Variants in RFLNA observed in about 807,000 individuals in gnomAD.
The protein encoded by RFLNA is refilin-A.
A neutral mutation model predicts 7.8 loss-of-function variants in RFLNA; 5 were observed. The observed-to-expected ratio is 0.64, with a 90% confidence interval of 0.34 to 1.35. The LOEUF (loss-of-function observed/expected upper bound fraction) is 1.35. RFLNA is among the 40% of genes most tolerant of loss of function. The pLI is 0.04. For missense variants in RFLNA, 278 were observed against 305.5 expected (o/e 0.91, Z 0.67); for synonymous variants, 141 against 131.3 (o/e 1.07, Z -0.50).
rs779885715 is a variant in RFLNA, at chr12:124,314,335, C to T, written c.461C>T (p.Thr154Ile). Residue 154 changes from threonine (T) to isoleucine (I), a missense_variant, in exon 3 of 3, where the codon ACC (threonine) becomes ATC (isoleucine). Thr to Ile is a moderately conservative substitution (Grantham distance 89). Coordinates refer to ENST00000546355, the MANE Select transcript of RFLNA (RefSeq NM_001365156.1). Reference sequence around the variant, plus strand: ...TGGCGCAACTACCGCAGCCAGCTGACCCTGGAGCCACGCCCGCGCGCCCTG... The same window carrying T: ...TGGCGCAACTACCGCAGCCAGCTGATCCTGGAGCCACGCCCGCGCGCCCTG... ...CTWRNYRSQL[T>I]LEPRPRALRF... is the part of the protein sequence containing the mutation. The T allele has an allele frequency of 3.7e-6, 6 of 1,613,498 alleles. No individual in the cohort carries two copies. The East Asian group carries it at 8.9e-5, about 24-fold the overall frequency.
chr12:124,301,559 G>A (rs542261349), intron 1 of RFLNA, among the ~76,000 whole-genome samples: 2 of 152,202 alleles, frequency 1.3e-5, no homozygotes, highest in Non-Finnish European at 2.9e-5. Context: ...CTGTATCTTA[G>A]GATGCACAGG....
rs1050811382 is a variant in RFLNA, at chr12:124,289,210, C to T, written c.-197C>T. On this transcript the variant is annotated 5_prime_UTR_variant, in exon 1 of 3. Coordinates refer to the RFLNA transcript ENST00000324038. The surrounding 1 kb of genome is among the most constrained non-coding windows in gnomAD (Gnocchi z 5.0). ...CCCTGCCCTGGCTTAATTAAGTGCT[C>T]TGAAGACATAAATAGGTTTTTTGTT... is the stretch of plus-strand genomic sequence containing the variant. The T allele has an allele frequency of 6.6e-6, 1 of 152,164 alleles. No homozygotes were observed. Among genetic ancestry groups the T allele is most frequent in the Non-Finnish European group, 1.5e-5 (1 of 68,038 alleles). 9.4% of individuals were successfully genotyped at this position (152,164 alleles called of 1,614,324 possible).
Position 124,295,470 on chromosome 12 carries a change from T to C in RFLNA, c.41T>C (p.Leu14Pro). 5 of 1,262,434 alleles carry C rather than the reference T, an allele frequency of 4.0e-6. No homozygotes were observed. The highest frequency in any genetic ancestry group is 5.0e-6 in the Non-Finnish European group (5 of 1,005,980). The allele number at this position is 1,262,434 out of a possible 1,614,324, so 78.2% of individuals were successfully genotyped here. The change falls in exon 1 of 3, where the codon CTG becomes CCG. Residue 14 changes from leucine to proline, a missense_variant. Coordinates refer to ENST00000546355, the MANE Select transcript of RFLNA (RefSeq NM_001365156.1). ...CATCTGCAGGGCATGGAGGACAGCC[T>C]GAAGGAGCAGGGCCGGGAGGGCTTG... is the stretch of plus-strand genomic sequence containing the variant. ...HLHLQGMEDS[L>P]KEQGREGLLD... is the part of the protein sequence containing the mutation.
intron 1 of RFLNA, among the ~76,000 whole-genome samples, chr12:124,297,515 T>G (rs970951151): frequency 4.6e-5 from 7 of 152,202 alleles, no homozygotes; most frequent in Admixed American, 3.9e-4. Context: ...TACACTCCAA[T>G]TAGCCCCATT....
intron 1 of RFLNA, among the ~76,000 whole-genome samples, chr12:124,299,626 T>C (rs1393269036): frequency 6.6e-6 from 1 of 152,264 alleles, no homozygotes; most frequent in Non-Finnish European, 1.5e-5. Context: ...ATTCCTGAGT[T>C]ACTTCACTTA....
intron 2 of RFLNA, among the ~76,000 whole-genome samples, chr12:124,313,909 C>T (rs1339053232): frequency 3.3e-5 from 5 of 152,198 alleles, no homozygotes; most frequent in Non-Finnish European, 7.3e-5. Context: ...CTCAGTTTCA[C>T]CCATCGTCCC....
intron 1 of RFLNA, among the ~76,000 whole-genome samples, chr12:124,310,794 T>C (rs747134699): frequency 5.0e-4 from 76 of 151,870 alleles, no homozygotes; most frequent in Admixed American, 8.5e-4. Context: ...CAGAGAGTGC[T>C]TTCTTTGTGT....
intron 1 of RFLNA, among the ~76,000 whole-genome samples, chr12:124,298,091 C>T (rs1345303050): frequency 6.6e-6 from 1 of 152,196 alleles, no homozygotes; most frequent in Non-Finnish European, 1.5e-5. Flanking sequence ...CCGCGTTTGG[C>T]AGGGTGGGTG....
intron 1 of RFLNA, among the ~76,000 whole-genome samples, chr12:124,307,516 A>G (rs549426725): frequency 6.6e-6 from 1 of 152,148 alleles, no homozygotes; most frequent in Non-Finnish European, 1.5e-5. Context: ...CCTGGCTGAC[A>G]CCTGCTTAGC....
rs1313018434 is a variant in RFLNA at position 124,314,696 on chromosome 12, C to T, written c.*171C>T. ...GCTCCCCGCTGCCTGCCCTGACCTA[C>T]AGGCTAGGTGGTGGTCTCCTTGTTT... On this transcript the variant is annotated 3_prime_UTR_variant, in exon 3 of 3. Transcript: ENST00000546355. 1 of 1,083,492 alleles carries T rather than the reference C, an allele frequency of 9.2e-7. No homozygotes were observed. Among genetic ancestry groups the T allele is most frequent in the South Asian group, 1.3e-5 (1 of 74,302 alleles). 67.1% of individuals were successfully genotyped at this position (1,083,492 alleles called of 1,614,324 possible).
At position 124,308,978 on chromosome 12, in the gene RFLNA, T is replaced by C. The variant is rs555239004; in HGVS notation, c.208-2840T>C. ...CGGGTGCGACTGAGGAATGGCGTTT[T>C]TCAACCTACTGAATCGTAATGAATT... On this transcript the variant is annotated intron_variant, in intron 1 of 2. Transcript: ENST00000546355. Among the ~76,000 whole-genome samples, 209 of 152,354 alleles carry C rather than the reference T, an allele frequency of 1.4e-3. 1 individual carries two copies. Among genetic ancestry groups the C allele is most frequent in the African/African-American group, 1.2e-3 (51 of 41,590 alleles).
Position 124,295,268 on chromosome 12 carries a change from G to A in RFLNA, c.-162G>A. The A allele has an allele frequency of 5.5e-6, 1 of 183,034 alleles. No individual in the cohort carries two copies. Among genetic ancestry groups the A allele is most frequent in the Non-Finnish European group, 1.0e-5 (1 of 95,766 alleles). The allele number at this position is 183,034 out of a possible 1,614,324, so 11.3% of individuals were successfully genotyped here. ...GGCGAGCAGGCTGCAGGCCCGCGGGGATCCGGGGCGCGGGGGGCGCCGGGC... is the reference window on the plus strand; with the variant it reads ...GGCGAGCAGGCTGCAGGCCCGCGGGAATCCGGGGCGCGGGGGGCGCCGGGC... On this transcript the variant is annotated 5_prime_UTR_variant, in exon 1 of 3. Transcript: ENST00000546355.
At chr12:124,307,665 G>A (rs984967593) in intron 1 of RFLNA, among the ~76,000 whole-genome samples, 15 of 152,206 alleles carry the variant, frequency 9.9e-5, no homozygotes, top group East Asian at 7.7e-4. Flanking sequence ...GTGCCTTCAC[G>A]GAGGGCTGGG....
upstream of RFLNA, among the ~76,000 whole-genome samples, chr12:124,292,595 C>T (rs1566318180): frequency 6.6e-6 from 1 of 152,206 alleles, no homozygotes; most frequent in Non-Finnish European, 1.5e-5. Flanking sequence ...CTGGGGCCAT[C>T]AGTGTGGGCT....
upstream of RFLNA, among the ~76,000 whole-genome samples, chr12:124,290,867 C>A (rs912152885): frequency 6.6e-6 from 1 of 152,172 alleles, no homozygotes; most frequent in Non-Finnish European, 1.5e-5. The surrounding 1 kb of genome is among the most constrained non-coding windows in gnomAD (Gnocchi z 4.0). Flanking sequence ...AAGGGCAGGC[C>A]AATTGCCCAG....
In RFLNA at chr12:124,296,072, T is replaced by TTTTCTTTCTTTCTTTCTTTCTTTCTTTC. The variant is rs1165061619; in HGVS notation, c.207+462_207+489dup. ...TCCGGGCGCTGCCAATGTGAAAGCC[T>TTTTCTTTCTTTCTTTCTTTCTTTCTTTC]TTTCTTTCTTTCTTTCTTTCTTTCT... On this transcript the variant is annotated intron_variant, in intron 1 of 2. Coordinates refer to ENST00000546355, the MANE Select transcript of RFLNA (RefSeq NM_001365156.1). Among the ~76,000 whole-genome samples, 153 of 94,710 alleles carry TTTTCTTTCTTTCTTTCTTTCTTTCTTTC rather than the reference T, an allele frequency of 1.6e-3. 13 individuals are homozygous for TTTTCTTTCTTTCTTTCTTTCTTTCTTTC. Among genetic ancestry groups the TTTTCTTTCTTTCTTTCTTTCTTTCTTTC allele is most frequent in the Middle Eastern group, 4.6e-3 (1 of 218 alleles). 62.1% of individuals were successfully genotyped at this position (94,710 alleles called of 152,430 possible). A position where few individuals can be genotyped will look rare whatever the true frequency, so the allele number is the denominator to read the frequency against.
intron 2 of RFLNA, among the ~76,000 whole-genome samples, chr12:124,312,184 A>G (rs2034257520): frequency 6.6e-6 from 1 of 152,138 alleles, no homozygotes; most frequent in South Asian, 2.1e-4. Flanking sequence ...AGGTCTATTC[A>G]GCCGTTTCCC....
chr12:124,306,697 A>G lies in RFLNA; in HGVS notation c.208-5121A>G, dbSNP rs1260167592. Among the ~76,000 whole-genome samples the G allele has an allele frequency of 6.6e-6, 1 of 152,094 alleles. No homozygotes were observed. Among genetic ancestry groups the G allele is most frequent in the Non-Finnish European group, 1.5e-5 (1 of 68,012 alleles). Reference sequence around the variant, plus strand: ...CAGCAGCTGCGTGCTGGGGTTTTTTATAAGGATCAGATGAGTAGGATATGT... The same window carrying G: ...CAGCAGCTGCGTGCTGGGGTTTTTTGTAAGGATCAGATGAGTAGGATATGT... On this transcript the variant is annotated intron_variant, in intron 1 of 2. Transcript: ENST00000546355. The surrounding 1 kb of genome is among the most constrained non-coding windows in gnomAD (Gnocchi z 5.2).
intron 1 of RFLNA, among the ~76,000 whole-genome samples, chr12:124,305,687 C>T (rs925247993): frequency 1.4e-4 from 21 of 152,318 alleles, no homozygotes; most frequent in African/African-American, 4.6e-4. Context: ...GACTCTGACC[C>T]CCTGGAAAGC....
Sources: allele counts gnomAD v4.1 joint callset (sites outside exome capture counted in the v4.1 genomes callset), GRCh38; gene constraint gnomAD v4.1.1; non-coding constraint Gnocchi (gnomAD v3.1); transcripts MANE v1.5; gene names NCBI Gene and HGNC (gene_info 2026-07-23, HGNC 2026-07-21).